The following MSRA variants were observed in gnomAD, a reference collection of about 807,000 sequenced individuals.
The protein encoded by MSRA is methionine sulfoxide reductase A, also known as mitochondrial peptide methionine sulfoxide reductase.
A neutral mutation model predicts 31.3 loss-of-function variants in MSRA; 54 were observed. The ratio of observed to expected loss-of-function variants is 1.73; its 90% CI spans 1.39 to 2.17. MSRA has a LOEUF of 2.17. Ranked by LOEUF, MSRA falls within the 30% of genes most tolerant of loss-of-function variation. The probability of loss-of-function intolerance (pLI) is 0.00; values close to 1 mark genes in which losing one functional copy is unlikely to be tolerated. For synonymous variants in MSRA, 169 were observed against 116.5 expected, an observed-to-expected ratio of 1.45 and a Z score of -2.90; for missense variants, 507 against 300.9, an observed-to-expected ratio of 1.69 and a Z score of -5.07.
chr8:10,368,795 C>T (rs1229638972), intron 5 of MSRA, among the ~76,000 whole-genome samples: 3 of 152,202 alleles, frequency 2.0e-5, no homozygotes, highest in African/African-American at 4.8e-5. Flanking sequence ...GTGTTTGCTG[C>T]CCGCACATGC....
At chr8:10,331,770 C>T (rs1043619542) in intron 5 of MSRA, among the ~76,000 whole-genome samples, 3 of 152,170 alleles carry the variant, frequency 2.0e-5, no homozygotes, top group African/African-American at 4.8e-5. Context: ...TGCACATCCT[C>T]TTGTGTACTT....
chr8:10,150,079 A>G (rs1339568724), intron 1 of MSRA, among the ~76,000 whole-genome samples: 1 of 151,694 alleles, frequency 6.6e-6, no homozygotes, highest in Non-Finnish European at 1.5e-5. Flanking sequence ...ACACTTTAAT[A>G]AAAAGGTTCA....
At chr8:10,409,451 A>G (rs1808024028) in intron 5 of MSRA, among the ~76,000 whole-genome samples, 1 of 152,228 alleles carries the variant, frequency 6.6e-6, no homozygotes, top group South Asian at 2.1e-4. Context: ...TTTAGTTAAG[A>G]TGGCAGATTT....
chr8:10,279,761 T>C (rs1400455240), intron 3 of MSRA, among the ~76,000 whole-genome samples: 1 of 152,224 alleles, frequency 6.6e-6, no homozygotes, highest in Non-Finnish European at 1.5e-5. Flanking sequence ...GCTGCTCTTC[T>C]TTTGAGTCCT....
intron 2 of MSRA, among the ~76,000 whole-genome samples, chr8:10,239,929 T>G (rs1223184216): frequency 6.6e-6 from 1 of 152,232 alleles, no homozygotes; most frequent in Non-Finnish European, 1.5e-5. Context: ...GAACTGGTGC[T>G]GTGGCTGTGC....
intron 2 of MSRA, among the ~76,000 whole-genome samples, chr8:10,238,223 G>A (rs1812117251): frequency 6.6e-6 from 1 of 152,156 alleles, no homozygotes; most frequent in Admixed American, 6.5e-5. Context: ...ATCTGAATGG[G>A]TGAGTGCCTC....
In MSRA at chr8:10,290,084, C is replaced by G. The variant is rs141058219; in HGVS notation, c.332-11450C>G. ...GGCTAAGAGAAGTTAAGTGGCCTCT[C>G]TAGCAGATTATGCCCTCAAATGTAG... On this transcript the variant is annotated intron_variant, in intron 3 of 5. Coordinates refer to ENST00000317173, the MANE Select transcript of MSRA (RefSeq NM_012331.5). 5.5e-4 allele frequency among the ~76,000 whole-genome samples: 84 copies of G among 152,298 alleles called. 2 individuals carry two copies. The East Asian group carries it at 0.015, about 27-fold the overall frequency.
intron 2 of MSRA, among the ~76,000 whole-genome samples, chr8:10,220,938 C>T (rs1054774973): frequency 6.6e-6 from 1 of 152,202 alleles, no homozygotes; most frequent in African/African-American, 2.4e-5. Context: ...TGACAGCTAC[C>T]TGAGGACAGA....
chr8:10,113,179 A>C (rs1800409823), intron 1 of MSRA, among the ~76,000 whole-genome samples: 1 of 151,362 alleles, frequency 6.6e-6, no homozygotes, highest in African/African-American at 2.4e-5. Flanking sequence ...AATGTGCTGG[A>C]AGACAGGAGG....
chr8:10,287,471 A>G (rs1799996615), intron 3 of MSRA, among the ~76,000 whole-genome samples: 1 of 152,212 alleles, frequency 6.6e-6, no homozygotes, highest in East Asian at 1.9e-4. Flanking sequence ...ACGCTTACAG[A>G]GTAACCAGGA....
chr8:10,235,592 C>A (rs1475785412), intron 2 of MSRA, among the ~76,000 whole-genome samples: 1 of 152,072 alleles, frequency 6.6e-6, no homozygotes, highest in Non-Finnish European at 1.5e-5. Context: ...ATCAGTGAAA[C>A]CCAAGGTTTG....
At chr8:10,148,818 G>A (rs79406118) in intron 1 of MSRA, among the ~76,000 whole-genome samples, 1 of 105,178 alleles carries the variant, frequency 9.5e-6, no homozygotes, top group Non-Finnish European at 1.9e-5. Context: ...AAAAAAAAAG[G>A]AAACTCTGTC....
At position 10,266,531 on chromosome 8, in the gene MSRA, G is replaced by C. The variant is rs145028552; in HGVS notation, c.331+21308G>C. Among the ~76,000 whole-genome samples the C allele has an allele frequency of 2.9e-3, 441 of 151,842 alleles. 2 individuals carry two copies. The highest frequency in any genetic ancestry group is 0.012 in the South Asian group (58 of 4,812). On this transcript the variant is annotated intron_variant, in intron 3 of 5. Coordinates refer to ENST00000317173, the MANE Select transcript of MSRA (RefSeq NM_012331.5). ...TTGCAAATATTTTATCTGAGTCTGT[G>C]GCTTGTCTTAGCATTCTCTTAACAG...
At chr8:10,265,537 A>G (rs988940442) in intron 3 of MSRA, among the ~76,000 whole-genome samples, 2 of 152,248 alleles carry the variant, frequency 1.3e-5, no homozygotes, top group East Asian at 3.8e-4. Flanking sequence ...CAGCTAGCCC[A>G]TAGCAGGGAC....
At chr8:10,078,416 G>C (rs1052193174) in intron 1 of MSRA, among the ~76,000 whole-genome samples, 7 of 152,194 alleles carry the variant, frequency 4.6e-5, no homozygotes, top group African/African-American at 1.7e-4. Context: ...AGGCTCACTG[G>C]GGACCCTTGG....
chr8:10,233,717 G>A lies in MSRA; in HGVS notation c.212-11387G>A, dbSNP rs373375808. 2.8e-4 allele frequency among the ~76,000 whole-genome samples: 42 copies of A among 152,324 alleles called. No individual in the cohort carries two copies. The South Asian group carries it at 7.7e-3, about 28-fold the overall frequency. The stretch of plus-strand genomic sequence containing the variant: ...TAAGTTGAGATGTGTCAACTGACAT[G>A]TAAAGGGAGTTCTGGAGAAATAGAA... On this transcript the variant is annotated intron_variant, in intron 2 of 5. Coordinates refer to ENST00000317173, the MANE Select transcript of MSRA (RefSeq NM_012331.5).
rs565234008 is a variant in MSRA at position 10,232,092 on chromosome 8, T to C, written c.212-13012T>C. 4.6e-5 allele frequency among the ~76,000 whole-genome samples: 7 copies of C among 152,226 alleles called. No homozygotes were observed. The South Asian group carries it at 1.5e-3, about 32-fold the overall frequency. The stretch of plus-strand genomic sequence containing the variant: ...CCACTCCTCCTATCCAGCCTAACTT[T>C]CTAGGATCCCAGGGGTGGAGGCTGC... On this transcript the variant is annotated intron_variant, in intron 2 of 5. Transcript: ENST00000317173.
chr8:10,196,654 A>G (rs1027181233), intron 1 of MSRA, among the ~76,000 whole-genome samples: 2 of 152,056 alleles, frequency 1.3e-5, no homozygotes, highest in African/African-American at 2.4e-5. Context: ...GCTTTAAGCC[A>G]TTTTCCTGCC....
chr8:10,327,248 C>T lies in MSRA; in HGVS notation c.543+7259C>T, dbSNP rs559701675. Among the ~76,000 whole-genome samples the T allele has an allele frequency of 4.6e-5, 7 of 152,184 alleles. No homozygotes were observed. In the South Asian group the frequency reaches 1.2e-3, roughly 27 times the overall value. On this transcript the variant is annotated intron_variant, in intron 5 of 5. Transcript: ENST00000317173. ...TATCTATCCGTCTCTCAGTGTTTGTCCACCCTTCCATCCATCCACCCACCT... is the reference window on the plus strand; with the variant it reads ...TATCTATCCGTCTCTCAGTGTTTGTTCACCCTTCCATCCATCCACCCACCT...
Sources: allele counts gnomAD v4.1 joint callset (sites outside exome capture counted in the v4.1 genomes callset), GRCh38; gene constraint gnomAD v4.1.1; transcripts MANE v1.5; gene names NCBI Gene and HGNC (gene_info 2026-07-23, HGNC 2026-07-21).